INTS9: variants seen among roughly 807,000 people sequenced by gnomAD.
The protein encoded by INTS9 is integrator complex subunit 9.
In INTS9, 55 loss-of-function variants were observed where a neutral mutation model predicts 79.7. The ratio of observed to expected loss-of-function variants is 0.69; its 90% CI spans 0.56 to 0.86. The LOEUF is 0.86. Among genes scored for constraint, INTS9 ranks in the 40% least tolerant of loss-of-function variants. The pLI, the probability that INTS9 is intolerant of heterozygous loss-of-function variation, is 0.00. For synonymous variants in INTS9, 319 were observed against 325.2 expected (o/e 0.98, Z 0.20); for missense variants, 721 against 831.5 (o/e 0.87, Z 1.64).
chr8:28,796,476 T>C, intron 9 of INTS9, 68 bp downstream of exon 9: 1 of 877,358 alleles, frequency 1.1e-6, no homozygotes, highest in Non-Finnish European at 1.8e-6. Flanking sequence ...TTGTAAAATA[T>C]TATATTTATT....
At position 28,793,997 on chromosome 8, in the gene INTS9, T is replaced by G; in HGVS notation, c.857-10A>C. 1 of 1,541,920 alleles carries G rather than the reference T, an allele frequency of 6.5e-7. No individual in the cohort carries two copies. Among genetic ancestry groups the G allele is most frequent in the Non-Finnish European group, 8.8e-7 (1 of 1,136,406 alleles). On this transcript the variant is annotated splice_polypyrimidine_tract_variant and intron_variant, in intron 9 of 16. Transcript: ENST00000521022. The stretch of plus-strand genomic sequence containing the variant: ...TTCCGGACTGTCAGAGCTAGAAAAG[T>G]GGATGCCAGAGGAGAAAAAACATCA...
intron 1 of INTS9, among the ~76,000 whole-genome samples, chr8:28,881,367 G>A (rs1809783427): frequency 1.5e-5 from 2 of 137,186 alleles, no homozygotes; most frequent in Non-Finnish European, 3.2e-5. Flanking sequence ...CTGCCCGGCC[G>A]CCCCTACTGG....
Position 28,780,948 on chromosome 8 carries a change from T to G in INTS9, c.1145A>C (p.Asp382Ala). Residue 382 changes from aspartate (D) to alanine (A), a missense_variant, in exon 12 of 17, where the codon GAC becomes GCC. Around this residue, in one of 3 missense-constraint regions of INTS9, gnomAD observed 149 missense variants for 223.7 expected, o/e 0.67. Coordinates refer to ENST00000521022, the MANE Select transcript of INTS9 (RefSeq NM_018250.4). The stretch of plus-strand genomic sequence containing the variant: ...GGGCTGTCTAAAGTCGTTGCTGAAG[T>G]CTCCGTGGATGCTGGGGTAGTGCTT... ...KLKHYPSIHG[D>A]FSNDFRQPCV... The G allele has an allele frequency of 6.2e-7, 1 of 1,614,090 alleles. No individual in the cohort carries two copies.
intron 6 of INTS9, among the ~76,000 whole-genome samples, chr8:28,815,872 A>T (rs573956199): frequency 6.6e-6 from 1 of 152,170 alleles, no homozygotes; most frequent in Non-Finnish European, 1.5e-5. Flanking sequence ...ACGAAACTAC[A>T]CACTAAAAGA....
intron 14 of INTS9, among the ~76,000 whole-genome samples, chr8:28,774,103 A>G (rs912177793): frequency 6.6e-6 from 1 of 152,156 alleles, no homozygotes; most frequent in Non-Finnish European, 1.5e-5. Context: ...GTGAGCTACC[A>G]TGCCTGGCTG....
chr8:28,774,423 T>G (rs1802748755), intron 14 of INTS9, among the ~76,000 whole-genome samples: 1 of 152,230 alleles, frequency 6.6e-6, no homozygotes, highest in African/African-American at 2.4e-5. Context: ...TAAGGATGTC[T>G]GAGACCAAAA....
rs1399479678 is a variant in INTS9 at position 28,796,900 on chromosome 8, G to C, written c.745-245C>G. The C allele has an allele frequency of 6.8e-5, 27 of 395,612 alleles. 1 individual carries two copies. In the South Asian group the frequency reaches 1.2e-3, roughly 18 times the overall value. The allele number at this position is 395,612 out of a possible 1,614,324, so 24.5% of individuals were successfully genotyped here. On this transcript the variant is annotated intron_variant, in intron 8 of 16. Coordinates refer to ENST00000521022, the MANE Select transcript of INTS9 (RefSeq NM_018250.4). The stretch of plus-strand genomic sequence containing the variant: ...AGTTCTGTATCTTCACTGGGGCACT[G>C]ATTATATCAAAATTCAGTATTACAC...
intron 11 of INTS9, among the ~76,000 whole-genome samples, chr8:28,781,745 G>C (rs557481663): frequency 5.3e-5 from 8 of 152,206 alleles, no homozygotes; most frequent in Non-Finnish European, 1.0e-4. Flanking sequence ...TATACAGATA[G>C]TAAAAGGCTC....
At chr8:28,857,595 T>C (rs1348832685) in intron 2 of INTS9, among the ~76,000 whole-genome samples, 1 of 152,198 alleles carries the variant, frequency 6.6e-6, no homozygotes, top group East Asian at 1.9e-4. Flanking sequence ...AAAGATATAA[T>C]AATTTAATTA....
chr8:28,888,994 C>G (rs1234707926), intron 1 of INTS9, among the ~76,000 whole-genome samples: 1 of 151,988 alleles, frequency 6.6e-6, no homozygotes, highest in East Asian at 1.9e-4. Flanking sequence ...ACCTCTGCCT[C>G]CCGGGTTCAA....
At chr8:28,887,537 CAA>C (rs1232898659) in intron 1 of INTS9, among the ~76,000 whole-genome samples, 1 of 152,136 alleles carries the variant, frequency 6.6e-6, no homozygotes, top group African/African-American at 2.4e-5. Flanking sequence ...AAATGCTAAA[CAA>C]AATGTGTTTT....
At chr8:28,791,006 A>G (rs1255666754) in intron 10 of INTS9, among the ~76,000 whole-genome samples, 7 of 152,184 alleles carry the variant, frequency 4.6e-5, no homozygotes, top group Admixed American at 4.6e-4. Context: ...AACACGATCT[A>G]CTACACTAGA....
chr8:28,880,281 T>C (rs1040196204), intron 1 of INTS9, among the ~76,000 whole-genome samples: 1 of 115,214 alleles, frequency 8.7e-6, no homozygotes, highest in African/African-American at 3.2e-5. Context: ...TCCCTCTCTC[T>C]CCCTCCACGG....
intron 4 of INTS9, among the ~76,000 whole-genome samples, chr8:28,844,683 G>A (rs1807399805): frequency 6.6e-6 from 1 of 152,104 alleles, no homozygotes; most frequent in Non-Finnish European, 1.5e-5. Flanking sequence ...AAATGAGCTG[G>A]TGGGCACCTG....
At chr8:28,778,412 G>A (rs1270764190) in intron 12 of INTS9, among the ~76,000 whole-genome samples, 2 of 152,158 alleles carry the variant, frequency 1.3e-5, no homozygotes, top group Non-Finnish European at 2.9e-5. Flanking sequence ...TAATACAATG[G>A]GAAAAACTGA....
intron 6 of INTS9, among the ~76,000 whole-genome samples, chr8:28,818,251 C>T (rs1327797046): frequency 6.9e-6 from 1 of 145,676 alleles, no homozygotes; most frequent in African/African-American, 2.5e-5. Context: ...GGAATGCTTC[C>T]AGTTTTTGCC....
At chr8:28,850,418 G>A (rs979825434) in intron 2 of INTS9, 145 bp from the exon 3 acceptor site, 5 of 524,562 alleles carry the variant, frequency 9.5e-6, no homozygotes, top group African/African-American at 7.8e-5. Flanking sequence ...TAAAAAATAA[G>A]AGAAATAACC....
rs576871540 is a variant in INTS9, at chr8:28,837,737, T to C, written c.301A>G (p.Ile101Val). The C allele has an allele frequency of 7.4e-6, 12 of 1,613,678 alleles. No individual in the cohort carries two copies. Among genetic ancestry groups the C allele is most frequent in the Non-Finnish European group, 9.3e-6 (11 of 1,179,786 alleles). ...IDLSTVDVIL[I>V]SNYHCMMALP... is the part of the protein sequence containing the mutation. ...GCCATCATACAGTGATAGTTAGAGA[T>C]GAGAATCACATCTACTGTAGACAGA... Residue 101 changes from isoleucine (I) to valine (V), a missense_variant, in exon 5 of 17, where the codon ATC becomes GTC. Ile to Val is a conservative substitution (Grantham distance 29). Transcript: ENST00000521022.
intron 14 of INTS9, among the ~76,000 whole-genome samples, chr8:28,772,049 CG>C (rs1180271272): frequency 3.9e-5 from 6 of 152,002 alleles, no homozygotes; most frequent in African/African-American, 1.4e-4. Flanking sequence ...TTTGTAGATA[CG>C]GGGGTCTTGC....
Sources: gnomAD v4.1 joint callset for allele counts (sites outside exome capture counted in the v4.1 genomes callset) on GRCh38, gnomAD v4.1.1 for gene constraint, gnomAD v4.1.1 regional missense constraint, MANE v1.5 for transcripts, NCBI Gene and HGNC (gene_info 2026-07-23, HGNC 2026-07-21) for gene names.